ERC2: variants seen among roughly 807,000 people sequenced by gnomAD.
ERC2 encodes ERC protein 2.
Under a neutral mutation model 114.8 loss-of-function variants are expected in ERC2, and 42 were observed. The observed-to-expected ratio is 0.37, with a 90% CI of 0.29 to 0.47. The LOEUF is 0.47. ERC2 is among the 20% of genes least tolerant of loss of function. The pLI is 0.99. For missense variants in ERC2, 939 were observed against 1,150.7 expected, an observed-to-expected ratio of 0.82 and a Z score of 2.66; for synonymous variants, 454 against 425.5, an observed-to-expected ratio of 1.07 and a Z score of -0.82.
At chr3:56,432,255 A>G (rs2061825325) in intron 2 of ERC2, among the ~76,000 whole-genome samples, 1 of 152,192 alleles carries the variant, frequency 6.6e-6, no homozygotes, top group Admixed American at 6.5e-5. Flanking sequence ...TCAAAGATAA[A>G]CTTAATGAAA....
In ERC2 at chr3:55,919,980, C is replaced by A. The variant is rs952588879; in HGVS notation, c.2403+30445G>T. Among the ~76,000 whole-genome samples the A allele has an allele frequency of 7.2e-5, 11 of 151,926 alleles. No individual in the cohort carries two copies. The East Asian group carries it at 1.9e-3, about 27-fold the overall frequency. On this transcript the variant is annotated intron_variant, in intron 13 of 17. Transcript: ENST00000288221. Reference sequence around the variant, plus strand: ...GCCATTTATGTTGCACTTAAGAATGCAGAAAATAATAGCACATATTATCTG... The same window carrying A: ...GCCATTTATGTTGCACTTAAGAATGAAGAAAATAATAGCACATATTATCTG...
At chr3:55,949,743 G>A (rs1028826467) in intron 13 of ERC2, among the ~76,000 whole-genome samples, 1 of 152,160 alleles carries the variant, frequency 6.6e-6, no homozygotes, top group African/African-American at 2.4e-5. Context: ...AACTTGAACT[G>A]CTCTGTTTAA....
chr3:55,905,656 G>A (rs1344389654), intron 13 of ERC2, among the ~76,000 whole-genome samples: 1 of 152,086 alleles, frequency 6.6e-6, no homozygotes, highest in Non-Finnish European at 1.5e-5. Flanking sequence ...AGTATCTATT[G>A]CCTTGCAAAT....
At chr3:56,429,829 G>C (rs1242385171) in intron 2 of ERC2, among the ~76,000 whole-genome samples, 1 of 152,106 alleles carries the variant, frequency 6.6e-6, no homozygotes, top group Non-Finnish European at 1.5e-5. Flanking sequence ...TTAGCTCCAA[G>C]GTTCCAAATA....
chr3:55,897,776 C>T (rs2063914106), intron 13 of ERC2, among the ~76,000 whole-genome samples: 1 of 152,178 alleles, frequency 6.6e-6, no homozygotes, highest in African/African-American at 2.4e-5. Flanking sequence ...CTATCTCTTC[C>T]TCCTTCCCAC....
At chr3:55,918,326 G>A (rs2065224196) in intron 13 of ERC2, among the ~76,000 whole-genome samples, 1 of 152,048 alleles carries the variant, frequency 6.6e-6, no homozygotes, top group Non-Finnish European at 1.5e-5. Context: ...GGTGGGGGCA[G>A]GGTGATCTAT....
intron 14 of ERC2, among the ~76,000 whole-genome samples, chr3:55,856,910 A>G (rs918702570): frequency 2.0e-5 from 3 of 152,224 alleles, no homozygotes; most frequent in Non-Finnish European, 2.9e-5. Context: ...AACAAGACAA[A>G]CACAAAAGGC....
chr3:55,642,242 A>C (rs1045155478), intron 17 of ERC2, among the ~76,000 whole-genome samples: 1 of 152,154 alleles, frequency 6.6e-6, no homozygotes, highest in African/African-American at 2.4e-5. Context: ...CTCCCCAGGG[A>C]AATAGGCTAA....
chr3:55,967,413 G>T (rs1438523428), intron 12 of ERC2, among the ~76,000 whole-genome samples: 8 of 151,996 alleles, frequency 5.3e-5, no homozygotes, highest in African/African-American at 1.9e-4. Context: ...CTGATGATAG[G>T]GTCTCAACCT....
intron 14 of ERC2, among the ~76,000 whole-genome samples, chr3:55,807,526 C>G (rs1019290075): frequency 3.3e-5 from 5 of 152,182 alleles, no homozygotes; most frequent in Non-Finnish European, 7.3e-5. Context: ...TGCAATTACT[C>G]AGCTCTGCTA....
At chr3:55,616,631 CTTT>C (rs11289307) in intron 17 of ERC2, among the ~76,000 whole-genome samples, 9 of 141,992 alleles carry the variant, frequency 6.3e-5, no homozygotes, top group Admixed American at 1.4e-4. Flanking sequence ...AGTTATTGTG[CTTT>C]TTTTTTTTTT....
intron 13 of ERC2, 60 bp from the exon 14 acceptor site, chr3:55,888,609 T>G: frequency 1.9e-6 from 3 of 1,589,070 alleles, no homozygotes; most frequent in Non-Finnish European, 8.6e-7. Flanking sequence ...AAGACATCCC[T>G]TGTTAGCCTG....
At chr3:55,838,169 A>G (rs1158592674) in intron 14 of ERC2, among the ~76,000 whole-genome samples, 1 of 151,754 alleles carries the variant, frequency 6.6e-6, no homozygotes, top group African/African-American at 2.4e-5. Flanking sequence ...AAGAAAATCA[A>G]CAACGGGATA....
intron 14 of ERC2, among the ~76,000 whole-genome samples, chr3:55,759,481 A>C (rs1575511312): frequency 6.7e-6 from 1 of 148,360 alleles, no homozygotes; most frequent in African/African-American, 2.5e-5. Context: ...AAAAAAAAAA[A>C]AAAAAAAAAA....
intron 17 of ERC2, among the ~76,000 whole-genome samples, chr3:55,545,862 G>T (rs2054709003): frequency 6.6e-6 from 1 of 152,190 alleles, no homozygotes. Context: ...AGCCTCTGCT[G>T]CTAAAGGAAC....
chr3:56,236,159 T>C (rs2050929355), intron 3 of ERC2, among the ~76,000 whole-genome samples: 1 of 152,214 alleles, frequency 6.6e-6, no homozygotes, highest in African/African-American at 2.4e-5. Flanking sequence ...AAATATTTCC[T>C]GATGATCTTA....
intron 12 of ERC2, among the ~76,000 whole-genome samples, chr3:55,966,718 T>C (rs113922855): frequency 4.8e-4 from 73 of 152,146 alleles, no homozygotes; most frequent in African/African-American, 1.7e-3. Flanking sequence ...TTACCACACT[T>C]CCTAATTCCC....
intron 7 of ERC2, among the ~76,000 whole-genome samples, chr3:56,020,827 C>T (rs200332285): frequency 2.6e-4 from 40 of 152,156 alleles, no homozygotes; most frequent in Admixed American, 1.4e-3. Flanking sequence ...ACTTTGGGCA[C>T]GAGAAATAGA....
intron 3 of ERC2, among the ~76,000 whole-genome samples, chr3:56,196,810 C>T (rs2048135160): frequency 6.6e-6 from 1 of 151,986 alleles, no homozygotes; most frequent in Non-Finnish European, 1.5e-5. Context: ...TAGAAATTAC[C>T]CTTCACCCCT....
Sources: gnomAD v4.1 joint callset for allele counts (sites outside exome capture counted in the v4.1 genomes callset) on GRCh38, gnomAD v4.1.1 for gene constraint, MANE v1.5 for transcripts, NCBI Gene and HGNC (gene_info 2026-07-23, HGNC 2026-07-21) for gene names.